IDO1: variants seen among roughly 807,000 people sequenced by gnomAD.
IDO1 encodes indolamine 2,3 dioxygenase.
In IDO1, 35 loss-of-function variants were observed where a neutral mutation model predicts 38.8. The observed-to-expected ratio is 0.90, with a 90% CI of 0.69 to 1.20. IDO1 has a LOEUF of 1.20. Among genes scored for constraint, IDO1 ranks in the 50% most tolerant of loss-of-function variants. IDO1 has a pLI of 0.00. For missense variants in IDO1, 509 were observed against 485.1 expected (o/e 1.05, Z -0.46); for synonymous variants, 171 against 170.0 (o/e 1.01, Z -0.05).
At chr8:39,925,920 G>A (rs1188909110) in intron 9 of IDO1, among the ~76,000 whole-genome samples, 2 of 151,814 alleles carry the variant, frequency 1.3e-5, no homozygotes, top group South Asian at 2.1e-4. Flanking sequence ...AGGTGCAGTC[G>A]CTCACGCCTG....
At chr8:39,925,662 T>C (rs1270956485) in intron 9 of IDO1, among the ~76,000 whole-genome samples, 1 of 151,994 alleles carries the variant, frequency 6.6e-6, no homozygotes, top group African/African-American at 2.4e-5. Flanking sequence ...GGCAGGTGGA[T>C]CACCTGAGGT....
At position 39,928,721 on chromosome 8, in the gene IDO1, G is replaced by A. The variant is rs1170476559; in HGVS notation, c.*536G>A. ...GCAATCCGGCCTGGGCTAAAGAGCG[G>A]GACTCCGTCTCAAAAAAAAAAAAAA... On this transcript the variant is annotated 3_prime_UTR_variant, in exon 10 of 10. Transcript: ENST00000518237. 6.8e-6 allele frequency among the ~76,000 whole-genome samples: 1 copy of A among 147,348 alleles called. No individual in the cohort carries two copies. The highest frequency in any genetic ancestry group is 1.5e-5 in the Non-Finnish European group (1 of 66,922).
At chr8:39,919,680 T>TA (rs1807240235) in intron 4 of IDO1, among the ~76,000 whole-genome samples, 5 of 151,930 alleles carry the variant, frequency 3.3e-5, no homozygotes, top group Admixed American at 6.6e-5. Flanking sequence ...ATTAGTTTTT[T>TA]TAAAAAAAAA....
chr8:39,918,780 AACAAC>A, intron 3 of IDO1, 30 bp from the exon 4 acceptor site: 1 of 1,028,142 alleles, frequency 9.7e-7, no homozygotes, highest in Non-Finnish European at 1.5e-6. Flanking sequence ...CAACAACAAC[AACAAC>A]AAAAAACCTA....
intron 5 of IDO1, among the ~76,000 whole-genome samples, chr8:39,922,266 G>T (rs556545482): frequency 3.9e-5 from 6 of 152,256 alleles, no homozygotes; most frequent in Admixed American, 1.3e-4. Context: ...CTCCTAAAGT[G>T]CCGGAATTAC....
Position 39,918,943 on chromosome 8 carries a change from C to A in IDO1, c.422+10C>A. The A allele has an allele frequency of 2.1e-6, 3 of 1,426,218 alleles. No homozygotes were observed. Among genetic ancestry groups the A allele is most frequent in the Non-Finnish European group, 3.0e-6 (3 of 1,008,870 alleles). The allele number at this position is 1,426,218 out of a possible 1,614,324, so 88.3% of individuals were successfully genotyped here. A position where few individuals can be genotyped will look rare whatever the true frequency, so the allele number is the denominator to read the frequency against. ...AAAAGGATCCTAATAAGTATGTAAA[C>A]AGTGATAACAACAGGAATTTTTGGA... On this transcript the variant is annotated intron_variant, in intron 4 of 9. Transcript: ENST00000518237.
chr8:39,925,320 G>A lies in IDO1; in HGVS notation c.805G>A (p.Val269Ile), dbSNP rs200544059. Residue 269 changes from valine (V) to isoleucine (I), a missense_variant, in exon 9 of 10, where the codon GTC becomes ATC. Coordinates refer to ENST00000518237, the MANE Select transcript of IDO1 (RefSeq NM_002164.6). ...FAGGSAGQSS[V>I]FQCFDVLLGI... ...AGGGGGCAGTGCAGGCCAAAGCAGC[G>A]TCTTTCAGTGCTTTGACGTCCTGCT... 584 of 1,613,164 alleles carry A rather than the reference G, an allele frequency of 3.6e-4. No individual in the cohort carries two copies. Among genetic ancestry groups the A allele is most frequent in the Non-Finnish European group, 4.4e-4 (522 of 1,179,584 alleles).
At chr8:39,926,268 T>C (rs1353657601) in intron 9 of IDO1, among the ~76,000 whole-genome samples, 1 of 152,210 alleles carries the variant, frequency 6.6e-6, no homozygotes, top group African/African-American at 2.4e-5. Flanking sequence ...AAGTTCCATC[T>C]TGAAATCTGA....
chr8:39,920,255 C>T (rs1807251841), intron 5 of IDO1, 141 bp downstream of exon 5: 2 of 616,792 alleles, frequency 3.2e-6, no homozygotes, highest in Admixed American at 3.1e-5. Flanking sequence ...ATTTAGAGAA[C>T]AAATAATCTC....
intron 1 of IDO1, among the ~76,000 whole-genome samples, chr8:39,915,296 G>A (rs1324872315): frequency 2.0e-5 from 3 of 152,124 alleles, no homozygotes; most frequent in Non-Finnish European, 4.4e-5. Flanking sequence ...AGGTACATGG[G>A]ATTCCAGGAG....
chr8:39,918,973 G>T (rs769368596), intron 4 of IDO1, 40 bp downstream of exon 4: 1 of 1,207,094 alleles, frequency 8.3e-7, no homozygotes, highest in African/African-American at 1.5e-5. Flanking sequence ...TTTGGAGTGT[G>T]TGCCGATTAA....
At chr8:39,915,460 T>A (rs1267011896) in intron 1 of IDO1, among the ~76,000 whole-genome samples, 2 of 152,244 alleles carry the variant, frequency 1.3e-5, no homozygotes, top group Non-Finnish European at 2.9e-5. Context: ...AATGAAATCC[T>A]GTAAACAATT....
chr8:39,925,074 A>C, intron 8 of IDO1, 149 bp from the exon 9 acceptor site: 1 of 734,382 alleles, frequency 1.4e-6, no homozygotes, highest in Non-Finnish European at 2.2e-6. Context: ...CATGCTTGAA[A>C]ATGAGCAGGG....
intron 9 of IDO1, 121 bp from the exon 10 acceptor site, chr8:39,927,709 C>A (rs376888827): frequency 2.7e-5 from 14 of 523,034 alleles, no homozygotes; most frequent in South Asian, 8.5e-5. Flanking sequence ...AATAGAATGA[C>A]CTTGACCTCA....
chr8:39,918,545 A>G (rs1040372596), intron 3 of IDO1: 2 of 465,912 alleles, frequency 4.3e-6, no homozygotes, highest in South Asian at 2.5e-5. Context: ...CAGGAGTTCA[A>G]GACCAACTTG....
At chr8:39,924,312 G>A (rs919092703) in intron 7 of IDO1, among the ~76,000 whole-genome samples, 1 of 152,090 alleles carries the variant, frequency 6.6e-6, no homozygotes, top group African/African-American at 2.4e-5. Context: ...GCTGCAGTGA[G>A]CTATGATCAA....
chr8:39,923,121 T>G (rs1055874834), intron 6 of IDO1, among the ~76,000 whole-genome samples: 9 of 152,130 alleles, frequency 5.9e-5, no homozygotes, highest in African/African-American at 2.2e-4. Flanking sequence ...CGGGGGAATT[T>G]GGCAGGGCAC....
intron 9 of IDO1, among the ~76,000 whole-genome samples, chr8:39,926,138 T>G (rs1811283): frequency 0.75 from 113,819 of 151,906 alleles, 45,271 homozygotes; most frequent in East Asian, 0.88. Flanking sequence ...AGTGAACCGA[T>G]ATGGCGCCAC....
At chr8:39,923,403 C>CA (rs11337517) in intron 6 of IDO1, 66 bp from the exon 7 acceptor site, 743 of 745,348 alleles carry the variant, frequency 1.0e-3, no homozygotes, top group South Asian at 1.5e-3. Context: ...GACTCCGTCT[C>CA]AAAAAAAAAA....
Sources: allele counts gnomAD v4.1 joint callset (sites outside exome capture counted in the v4.1 genomes callset), GRCh38; gene constraint gnomAD v4.1.1; transcripts MANE v1.5; gene names NCBI Gene and HGNC (gene_info 2026-07-23, HGNC 2026-07-21).